Variants in NFU1 observed in about 807,000 individuals in gnomAD.
NFU1 encodes the protein NFU1 iron-sulfur cluster scaffold, also known as NFU1 iron-sulfur cluster scaffold homolog, mitochondrial.
NFU1 carries 30 observed loss-of-function variants against 32.2 expected under a neutral mutation model. The observed-to-expected ratio is 0.93, with a 90% CI of 0.70 to 1.26. NFU1 has a LOEUF of 1.26. Ranked by LOEUF, NFU1 falls within the 50% of genes most tolerant of loss-of-function variation. NFU1 has a pLI of 0.00. For missense variants in NFU1, 306 were observed against 306.6 expected (o/e 1.00, Z 0.02); for synonymous variants, 112 against 104.6 (o/e 1.07, Z -0.43).
chr2:69,427,893 C>T (rs1248410332), intron 2 of NFU1, among the ~76,000 whole-genome samples: 2 of 148,456 alleles, frequency 1.3e-5, no homozygotes, highest in African/African-American at 2.5e-5. Context: ...CGTGGTAGTG[C>T]GCTCCTGTAA....
chr2:69,411,145 G>A (rs1463693738), intron 5 of NFU1: 2 of 151,940 alleles, frequency 1.3e-5, no homozygotes, highest in Non-Finnish European at 2.9e-5. Context: ...GATTACCTAT[G>A]TAGAAAAAGA....
At chr2:69,400,012 A>G (rs1672467296) in intron 7 of NFU1, among the ~76,000 whole-genome samples, 1 of 152,106 alleles carries the variant, frequency 6.6e-6, no homozygotes, top group South Asian at 2.1e-4. Context: ...AGCTGGGATT[A>G]CAGGCGTCTG....
chr2:69,419,229 A>T (rs1420620608), intron 4 of NFU1, among the ~76,000 whole-genome samples: 1 of 150,748 alleles, frequency 6.6e-6, no homozygotes, highest in African/African-American at 2.4e-5. Flanking sequence ...GGGGGCGCCG[A>T]GGCAGGAGAA....
In NFU1 at chr2:69,423,610, C is replaced by G. The variant is rs754198001; in HGVS notation, c.274G>C (p.Ala92Pro). 79 of 1,613,548 alleles carry G rather than the reference C, an allele frequency of 4.9e-5. No individual in the cohort carries two copies. The highest frequency in any genetic ancestry group is 7.7e-5 in the South Asian group (7 of 91,056). ...GCCAGAGGGGAGCGAAATGCTGCAG[C>G]TGGGGTGGGAAAATCCATGGTCCTT... ...ETRTMDFPTP[A>P]AAFRSPLARQ... The change falls in exon 3 of 8, where the codon GCT becomes CCT. Residue 92 changes from alanine (A) to proline (P), a missense_variant. Ala to Pro is a conservative substitution (Grantham distance 27). Transcript: ENST00000410022.
At chr2:69,427,026 C>G (rs529834322) in intron 2 of NFU1, among the ~76,000 whole-genome samples, 1 of 147,150 alleles carries the variant, frequency 6.8e-6, no homozygotes, top group South Asian at 2.2e-4. Context: ...TGCCATTGCA[C>G]TCCAGCCTGG....
At chr2:69,419,677 A>G in intron 3 of NFU1, 73 bp from the exon 4 acceptor site, 1 of 891,352 alleles carries the variant, frequency 1.1e-6, no homozygotes, top group Non-Finnish European at 1.8e-6. Flanking sequence ...ACAAAAGTAG[A>G]GAAAAGTAAA....
chr2:69,407,250 T>C (rs1273146504), intron 5 of NFU1, among the ~76,000 whole-genome samples: 1 of 152,202 alleles, frequency 6.6e-6, no homozygotes, highest in Non-Finnish European at 1.5e-5. Context: ...ATGCCTGGCC[T>C]CTGAAATGTT....
chr2:69,402,137 C>T (rs759329813), intron 6 of NFU1, among the ~76,000 whole-genome samples: 3 of 152,156 alleles, frequency 2.0e-5, no homozygotes, highest in Admixed American at 6.5e-5. Flanking sequence ...TCAGGTGATC[C>T]GCTCACCTCA....
chr2:69,415,028 T>C (rs780157565), intron 5 of NFU1, among the ~76,000 whole-genome samples, 157 bp downstream of exon 5: 4 of 152,196 alleles, frequency 2.6e-5, no homozygotes, highest in African/African-American at 4.8e-5. Flanking sequence ...TGCCAATTTA[T>C]ACACAAGCTT....
upstream of NFU1, among the ~76,000 whole-genome samples, chr2:69,439,257 C>G (rs892900090): frequency 6.6e-6 from 1 of 152,158 alleles, no homozygotes; most frequent in Non-Finnish European, 1.5e-5. Flanking sequence ...GCTACTGTGT[C>G]CGGAATTGGT....
At chr2:69,427,460 T>C (rs1398131600) in intron 2 of NFU1, among the ~76,000 whole-genome samples, 3 of 150,882 alleles carry the variant, frequency 2.0e-5, no homozygotes, top group Non-Finnish European at 2.9e-5. Context: ...GGCAGGTGGA[T>C]CACAAGGTCA....
chr2:69,420,667 C>T (rs966805566), intron 3 of NFU1, among the ~76,000 whole-genome samples: 2 of 152,188 alleles, frequency 1.3e-5, no homozygotes, highest in Middle Eastern at 3.4e-3. Flanking sequence ...CATCCCTGCA[C>T]GTATCTTGGG....
At chr2:69,414,668 A>T (rs1672996048) in intron 5 of NFU1, among the ~76,000 whole-genome samples, 1 of 151,614 alleles carries the variant, frequency 6.6e-6, no homozygotes, top group Non-Finnish European at 1.5e-5. Context: ...TAAAAACAAA[A>T]ACTAGTCTTA....
chr2:69,403,939 C>T (rs770302631), intron 6 of NFU1, among the ~76,000 whole-genome samples: 46 of 150,668 alleles, frequency 3.1e-4, no homozygotes, highest in Admixed American at 9.9e-4. Flanking sequence ...CCCAGGTTCA[C>T]GCCATTCTCC....
intron 6 of NFU1, among the ~76,000 whole-genome samples, chr2:69,401,359 T>G (rs12477398): frequency 0.13 from 19,861 of 152,210 alleles, 1,436 homozygotes; most frequent in Non-Finnish European, 0.16. Flanking sequence ...ATTCTATTTA[T>G]AAATCACGTA....
chr2:69,416,001 A>G (rs914106616), intron 4 of NFU1, among the ~76,000 whole-genome samples: 1 of 152,054 alleles, frequency 6.6e-6, no homozygotes, highest in Non-Finnish European at 1.5e-5. Flanking sequence ...AGGAAGAAAG[A>G]AAAAAGAGAA....
At chr2:69,437,882 A>G (rs1673912593), upstream of NFU1, among the ~76,000 whole-genome samples, 1 of 152,018 alleles carries the variant, frequency 6.6e-6, no homozygotes. Context: ...CCCTTTTCCC[A>G]TGGGTCTGAT....
chr2:69,417,400 T>C (rs1007719159), intron 4 of NFU1, among the ~76,000 whole-genome samples: 1 of 151,450 alleles, frequency 6.6e-6, no homozygotes, highest in African/African-American at 2.4e-5. Flanking sequence ...CCCAACATTT[T>C]GGGAGGCCGA....
intron 2 of NFU1, among the ~76,000 whole-genome samples, chr2:69,428,389 C>T (rs1000229306): frequency 5.3e-5 from 8 of 151,686 alleles, no homozygotes; most frequent in Non-Finnish European, 7.4e-5. Flanking sequence ...CCAGCCACCA[C>T]GCACTCCAGC....
Sources: gnomAD v4.1 joint callset for allele counts (sites outside exome capture counted in the v4.1 genomes callset) on GRCh38, gnomAD v4.1.1 for gene constraint, MANE v1.5 for transcripts, NCBI Gene and HGNC (gene_info 2026-07-23, HGNC 2026-07-21) for gene names.